ITPRID1: variants seen among roughly 807,000 people sequenced by gnomAD.
ITPRID1 encodes protein ITPRID1.
Under a neutral mutation model 95.4 loss-of-function variants are expected in ITPRID1, and 96 were observed. That is an observed-to-expected ratio of 1.01 (90% confidence interval 0.85 to 1.19). ITPRID1 has a LOEUF of 1.19. Ranked by LOEUF, ITPRID1 falls within the 50% of genes most tolerant of loss-of-function variation. ITPRID1 has a pLI of 0.00. For synonymous variants in ITPRID1, 510 were observed against 453.6 expected (o/e 1.12, Z -1.58); for missense variants, 1,339 against 1,252.9 (o/e 1.07, Z -1.04).
At position 31,521,891 on chromosome 7, in the gene ITPRID1, A is replaced by G. The variant is rs535893296; in HGVS notation, c.-98+7771A>G. On this transcript the variant is annotated intron_variant, in intron 1 of 14. Coordinates refer to ENST00000615280, the MANE Select transcript of ITPRID1 (RefSeq NM_001257967.3). ...TAGGACTACAGGCATGGACCTCCAC[A>G]TGGGCTAATTTAATTTTTTTTTTTT... Among the ~76,000 whole-genome samples the G allele has an allele frequency of 2.0e-4, 27 of 137,248 alleles. No individual in the cohort carries two copies. In the South Asian group the frequency reaches 6.4e-3, roughly 33 times the overall value. The allele number at this position is 137,248 out of a possible 152,430, so 90.0% of individuals were successfully genotyped here.
At chr7:31,611,405 A>T (rs989411840) in intron 10 of ITPRID1, among the ~76,000 whole-genome samples, 1 of 151,752 alleles carries the variant, frequency 6.6e-6, no homozygotes, top group Non-Finnish European at 1.5e-5. Context: ...ATATTTACCT[A>T]TGTAGTTATT....
In ITPRID1 at chr7:31,543,423, A is replaced by G. The variant is rs1333651308; in HGVS notation, c.-97-6003A>G. 2.6e-5 allele frequency among the ~76,000 whole-genome samples: 4 copies of G among 152,092 alleles called. No homozygotes were observed. The East Asian group carries it at 7.7e-4, about 29-fold the overall frequency. On this transcript the variant is annotated intron_variant, in intron 1 of 14. Coordinates refer to ENST00000615280, the MANE Select transcript of ITPRID1 (RefSeq NM_001257967.3). ...AACATAAGGCCTTTTGAATATACTC[A>G]TAGCTTGCTTATGAGTATATTCATA...
At position 31,643,958 on chromosome 7, in the gene ITPRID1, G is replaced by C; in HGVS notation, c.2583+5G>C. Reference sequence around the variant, plus strand: ...ACAGTGAGGGAGCTATGTTCCGTAAGTGTTCACCCTGGCAAAGATGGAAAG... The same window carrying C: ...ACAGTGAGGGAGCTATGTTCCGTAACTGTTCACCCTGGCAAAGATGGAAAG... On this transcript the variant is annotated splice_donor_5th_base_variant and intron_variant, in intron 12 of 14. Transcript: ENST00000615280. 1 of 1,597,266 alleles carries C rather than the reference G, an allele frequency of 6.3e-7. No homozygotes were observed. Among genetic ancestry groups the C allele is most frequent in the Non-Finnish European group, 8.5e-7 (1 of 1,172,122 alleles).
chr7:31,518,715 G>A (rs1783125618), intron 1 of ITPRID1, among the ~76,000 whole-genome samples: 1 of 152,086 alleles, frequency 6.6e-6, no homozygotes, highest in African/African-American at 2.4e-5. Flanking sequence ...ATTCTAACAA[G>A]GTCTCAGGAA....
intron 12 of ITPRID1, among the ~76,000 whole-genome samples, chr7:31,646,281 C>T (rs1790458779): frequency 6.6e-6 from 1 of 152,076 alleles, no homozygotes; most frequent in Non-Finnish European, 1.5e-5. Context: ...CCCAGTAAGA[C>T]CATTAATGTA....
At chr7:31,647,582 G>A (rs1037424761) in intron 12 of ITPRID1, among the ~76,000 whole-genome samples, 1 of 145,640 alleles carries the variant, frequency 6.9e-6, no homozygotes, top group African/African-American at 2.5e-5. Context: ...GCTGAGGCAA[G>A]AGAATCACTT....
intron 3 of ITPRID1, 148 bp from the exon 4 acceptor site, chr7:31,554,327 T>C: frequency 9.6e-6 from 13 of 1,349,236 alleles, no homozygotes; most frequent in Non-Finnish European, 1.2e-5. Context: ...AGATTTTGCC[T>C]TCAGGAAAAA....
chr7:31,620,977 C>T (rs889105026), intron 10 of ITPRID1, among the ~76,000 whole-genome samples: 6 of 151,658 alleles, frequency 4.0e-5, no homozygotes, highest in East Asian at 2.0e-4. Flanking sequence ...CCTCAGGAGC[C>T]AATGCGATCA....
chr7:31,621,037 CAAG>C (rs1165613063), intron 10 of ITPRID1, among the ~76,000 whole-genome samples: 1 of 151,458 alleles, frequency 6.6e-6, no homozygotes, highest in Non-Finnish European at 1.5e-5. Context: ...TGAAATGAAG[CAAG>C]AAGGGAAGTT....
chr7:31,607,511 T>C (rs1167420750), intron 10 of ITPRID1, among the ~76,000 whole-genome samples: 1 of 152,160 alleles, frequency 6.6e-6, no homozygotes, highest in East Asian at 1.9e-4. Flanking sequence ...CATTGTCTTC[T>C]TGTGTTGTGC....
At chr7:31,541,188 A>G (rs780425270) in intron 1 of ITPRID1, among the ~76,000 whole-genome samples, 10 of 152,234 alleles carry the variant, frequency 6.6e-5, no homozygotes, top group Non-Finnish European at 1.2e-4. Flanking sequence ...TTTGAAAAGC[A>G]AAACAAAGGA....
intron 5 of ITPRID1, among the ~76,000 whole-genome samples, chr7:31,561,593 G>A (rs369103541): frequency 5.9e-5 from 9 of 152,222 alleles, no homozygotes; most frequent in South Asian, 2.1e-4. Context: ...TGCTGCTTAC[G>A]TTGTGAGTCT....
rs1300276102 is a variant in ITPRID1 at position 31,628,559 on chromosome 7, G to A, written c.1229-13617G>A. ...TGCAAGCTCTGCTTCCCGGGTTCAC[G>A]CCATTCTCCTGCCTCAGCCTCCCCA... is the stretch of plus-strand genomic sequence containing the variant. On this transcript the variant is annotated intron_variant, in intron 10 of 14. Transcript: ENST00000615280. 2.6e-5 allele frequency among the ~76,000 whole-genome samples: 4 copies of A among 151,246 alleles called. No individual in the cohort carries two copies. In the South Asian group the frequency reaches 6.3e-4, roughly 24 times the overall value.
At chr7:31,635,889 A>G (rs1345578068) in intron 10 of ITPRID1, among the ~76,000 whole-genome samples, 2 of 152,160 alleles carry the variant, frequency 1.3e-5, no homozygotes, top group African/African-American at 4.8e-5. Flanking sequence ...AAGTTTACCT[A>G]TGTAATAAAC....
chr7:31,600,285 C>G (rs1431297852), intron 10 of ITPRID1, among the ~76,000 whole-genome samples: 1 of 152,126 alleles, frequency 6.6e-6, no homozygotes, highest in African/African-American at 2.4e-5. Context: ...TATCAGAAAG[C>G]TTTAACTTTA....
chr7:31,552,032 A>G, intron 2 of ITPRID1: 1 of 356,434 alleles, frequency 2.8e-6, no homozygotes, highest in Non-Finnish European at 5.7e-6. Context: ...AGATACATAA[A>G]TGAGTAAGAG....
intron 9 of ITPRID1, among the ~76,000 whole-genome samples, chr7:31,581,844 T>C (rs1235778196): frequency 1.3e-5 from 2 of 152,192 alleles, no homozygotes; most frequent in African/African-American, 4.8e-5. Context: ...CTGACTTCAG[T>C]TACCAACACC....
intron 1 of ITPRID1, among the ~76,000 whole-genome samples, chr7:31,538,105 T>C (rs1331064240): frequency 6.6e-6 from 1 of 152,232 alleles, no homozygotes; most frequent in East Asian, 1.9e-4. Flanking sequence ...GAAATATTTA[T>C]GACTATTTCC....
intron 10 of ITPRID1, among the ~76,000 whole-genome samples, chr7:31,631,459 G>A (rs1174595067): frequency 3.3e-5 from 5 of 152,262 alleles, no homozygotes; most frequent in East Asian, 1.9e-4. Flanking sequence ...ATTTTCTTAC[G>A]TGGTTAGGTT....
Sources: allele counts gnomAD v4.1 joint callset (sites outside exome capture counted in the v4.1 genomes callset), GRCh38; gene constraint gnomAD v4.1.1; transcripts MANE v1.5; gene names NCBI Gene and HGNC (gene_info 2026-07-23, HGNC 2026-07-21).